The following FBXO11 variants were observed in gnomAD, a reference collection of about 807,000 sequenced individuals.
FBXO11 encodes F-box only protein 11.
FBXO11 carries 13 observed loss-of-function variants against 117.0 expected under a neutral mutation model. The ratio of observed to expected loss-of-function variants is 0.11; its 90% CI spans 0.07 to 0.18. FBXO11 has a LOEUF of 0.18. FBXO11 is among the 10% of genes least tolerant of loss of function. The probability of loss-of-function intolerance (pLI) is 1.00; values close to 1 mark genes in which losing one functional copy is unlikely to be tolerated. For missense variants in FBXO11, 767 were observed against 1,164.4 expected, an observed-to-expected ratio of 0.66 and a Z score of 4.97; for synonymous variants, 490 against 380.5, an observed-to-expected ratio of 1.29 and a Z score of -3.35.
Position 47,813,840 on chromosome 2 carries a change from G to A in FBXO11, c.2034C>T (p.Arg678=), listed in dbSNP as rs1188705069. The A allele has an allele frequency of 1.2e-6, 2 of 1,613,516 alleles. No homozygotes were observed. Among genetic ancestry groups the A allele is most frequent in the Non-Finnish European group, 1.7e-6 (2 of 1,179,542 alleles). The change falls in exon 17 of 23, where the codon CGC becomes CGT. Residue 678 remains arginine (R), a synonymous_variant. Transcript: ENST00000403359. ...CATTCTGTCCTCCCCAGATTTTGTTGCGTCTAATTTTGGGGTTGCTTCCAG... is the reference window on the plus strand; with the variant it reads ...CATTCTGTCCTCCCCAGATTTTGTTACGTCTAATTTTGGGGTTGCTTCCAG... The part of the protein sequence containing the change: ...IRTGSNPKIR[R]NKIWGGQNGG...
chr2:47,848,143 CA>C (rs376870631), intron 1 of FBXO11, among the ~76,000 whole-genome samples: 12,140 of 147,902 alleles, frequency 0.082, 592 homozygotes, highest in Non-Finnish European at 0.11. Context: ...AACAAACAAA[CA>C]AAAAAACAAC....
At chr2:47,821,734 G>A (rs140313939) in intron 13 of FBXO11, among the ~76,000 whole-genome samples, 1,943 of 152,236 alleles carry the variant, frequency 0.013, 29 homozygotes, top group African/African-American at 0.042. Flanking sequence ...GCTGTGAGGT[G>A]AGATTGTGTC....
chr2:47,850,178 G>C (rs1453301373), intron 1 of FBXO11, among the ~76,000 whole-genome samples: 1 of 152,172 alleles, frequency 6.6e-6, no homozygotes, highest in Non-Finnish European at 1.5e-5. Flanking sequence ...GGGTGGAGAA[G>C]AGGTTGGAAC....
Position 47,869,384 on chromosome 2 carries a change from T to C in FBXO11, c.233-29615A>G, listed in dbSNP as rs562830987. On this transcript the variant is annotated intron_variant, in intron 1 of 22. Transcript: ENST00000403359. ...CAAAGAAGGGTGTTATTGTGCTGGC[T>C]GGAGTGACTGATCTTGACAACCAAG... Among the ~76,000 whole-genome samples the C allele has an allele frequency of 3.4e-4, 52 of 152,336 alleles. No individual in the cohort carries two copies. The South Asian group carries it at 0.011, about 31-fold the overall frequency.
At position 47,813,887 on chromosome 2, in the gene FBXO11, T is replaced by G. The variant is rs199681583; in HGVS notation, c.2007-20A>C. ...CCAGTCCTGTAAACAGAATAGACAA[T>G]AATACCATTTCAATAGCTTCTACTC... On this transcript the variant is annotated intron_variant, in intron 16 of 22. Coordinates refer to ENST00000403359, the MANE Select transcript of FBXO11 (RefSeq NM_001190274.2). 6.4e-7 allele frequency: 1 copy of G among 1,572,034 alleles called. No homozygotes were observed. The highest frequency in any genetic ancestry group is 1.3e-5 in the African/African-American group (1 of 74,076).
At chr2:47,849,741 C>G (rs1188590712) in intron 1 of FBXO11, among the ~76,000 whole-genome samples, 1 of 152,156 alleles carries the variant, frequency 6.6e-6, no homozygotes, top group African/African-American at 2.4e-5. Flanking sequence ...AAATGGATGA[C>G]AACTGAGAGT....
chr2:47,821,140 G>C (rs1290148183), intron 13 of FBXO11, among the ~76,000 whole-genome samples: 2 of 152,128 alleles, frequency 1.3e-5, no homozygotes, highest in South Asian at 2.1e-4. Context: ...CTGGTATCTG[G>C]CATACTGCCT....
chr2:47,880,967 T>C (rs1558468816), intron 1 of FBXO11, among the ~76,000 whole-genome samples: 1 of 151,972 alleles, frequency 6.6e-6, no homozygotes, highest in Non-Finnish European at 1.5e-5. Context: ...AAGAAAGGCA[T>C]GTTTGGGCCG....
At chr2:47,877,044 T>A (rs1208649968) in intron 1 of FBXO11, among the ~76,000 whole-genome samples, 2 of 150,186 alleles carry the variant, frequency 1.3e-5, no homozygotes, top group African/African-American at 4.9e-5. Flanking sequence ...AATACAGGGT[T>A]TTTTTTTTTT....
chr2:47,901,460 A>G (rs531488703), intron 1 of FBXO11, among the ~76,000 whole-genome samples: 3 of 152,140 alleles, frequency 2.0e-5, no homozygotes, highest in Non-Finnish European at 4.4e-5. Context: ...ATCTTTTATT[A>G]AAAGGTAATA....
At chr2:47,846,465 CA>C (rs879713198) in intron 1 of FBXO11, among the ~76,000 whole-genome samples, 14 of 151,342 alleles carry the variant, frequency 9.3e-5, no homozygotes, top group East Asian at 3.9e-4. Flanking sequence ...GAAACTGTTT[CA>C]AAAAAAAATT....
At chr2:47,831,036 C>A (rs961725276) in intron 11 of FBXO11, among the ~76,000 whole-genome samples, 4 of 151,822 alleles carry the variant, frequency 2.6e-5, no homozygotes, top group African/African-American at 9.7e-5. Context: ...TGAGCCCAAG[C>A]GATCCAACTG....
intron 1 of FBXO11, among the ~76,000 whole-genome samples, chr2:47,898,785 T>G (rs559231228): frequency 6.6e-6 from 1 of 152,266 alleles, no homozygotes; most frequent in South Asian, 2.1e-4. Context: ...AAGGGGCAGG[T>G]TATTGCATCC....
At chr2:47,875,110 A>G (rs1205608103) in intron 1 of FBXO11, among the ~76,000 whole-genome samples, 1 of 152,160 alleles carries the variant, frequency 6.6e-6, no homozygotes, top group African/African-American at 2.4e-5. Flanking sequence ...AATATCTAAT[A>G]TAACTTTCCA....
rs1404793846 is a variant in FBXO11, at chr2:47,906,250, C to T, written c.-530G>A. On this transcript the variant is annotated 5_prime_UTR_variant, in exon 1 of 23. Coordinates refer to ENST00000403359, the MANE Select transcript of FBXO11 (RefSeq NM_001190274.2). The stretch of plus-strand genomic sequence containing the variant: ...TTTTCCCTCTTCCTCCCCCCCACAC[C>T]CCCTGAAAGAGATTTCTGTGAGGAA... 1 of 160,894 alleles carries T rather than the reference C, an allele frequency of 6.2e-6. No individual in the cohort carries two copies. Among genetic ancestry groups the T allele is most frequent in the Non-Finnish European group, 1.4e-5 (1 of 73,414 alleles). 10.0% of individuals were successfully genotyped at this position (160,894 alleles called of 1,614,324 possible).
chr2:47,861,514 G>A (rs927518337), intron 1 of FBXO11, among the ~76,000 whole-genome samples: 1 of 151,962 alleles, frequency 6.6e-6, no homozygotes, highest in African/African-American at 2.4e-5. Flanking sequence ...GAGAGATGGT[G>A]TCTTGCTGTA....
chr2:47,887,899 C>T (rs1327588123), intron 1 of FBXO11, among the ~76,000 whole-genome samples: 1 of 152,058 alleles, frequency 6.6e-6, no homozygotes, highest in Non-Finnish European at 1.5e-5. Context: ...ACCTGTAGTC[C>T]TAGCTACTGG....
chr2:47,889,432 C>G (rs187675803), intron 1 of FBXO11, among the ~76,000 whole-genome samples: 1 of 152,136 alleles, frequency 6.6e-6, no homozygotes, highest in South Asian at 2.1e-4. Context: ...TGTGCTTTCT[C>G]AGGAAAACAC....
chr2:47,868,320 T>C (rs1164302084), intron 1 of FBXO11, among the ~76,000 whole-genome samples: 1 of 150,530 alleles, frequency 6.6e-6, no homozygotes, highest in Non-Finnish European at 1.5e-5. Flanking sequence ...ATCAAGACTA[T>C]GTGAAATCTC....
Sources: gnomAD v4.1 joint callset for allele counts (sites outside exome capture counted in the v4.1 genomes callset) on GRCh38, gnomAD v4.1.1 for gene constraint, MANE v1.5 for transcripts, NCBI Gene and HGNC (gene_info 2026-07-23, HGNC 2026-07-21) for gene names.